Variants in TAS2R1 observed in about 807,000 individuals in gnomAD.
TAS2R1 encodes the protein taste 2 receptor member 1, also known as taste receptor type 2 member 1.
For synonymous variants in TAS2R1, 141 were observed against 134.2 expected, an observed-to-expected ratio of 1.05 and a Z score of -0.35; for missense variants, 370 against 353.4, an observed-to-expected ratio of 1.05 and a Z score of -0.38.
the TAS2R1 span, among the ~76,000 whole-genome samples, chr5:9,746,199 A>T: frequency 1.3e-5 from 2 of 152,244 alleles, no homozygotes; most frequent in African/African-American, 2.4e-5. Context: ...AGAGATGCAA[A>T]TCAAAACCAC....
At chr5:9,680,828 G>A (rs948485707) in intron 1 of TAS2R1, among the ~76,000 whole-genome samples, 22 of 152,142 alleles carry the variant, frequency 1.4e-4, no homozygotes, top group Admixed American at 1.3e-3. Context: ...CAAGGTGGGC[G>A]GATCACTTGA....
intron 1 of TAS2R1, among the ~76,000 whole-genome samples, chr5:9,662,762 G>A (rs994400956): frequency 6.6e-6 from 1 of 152,210 alleles, no homozygotes; most frequent in African/African-American, 2.4e-5. Context: ...AGTTAAGAAA[G>A]AACAAGAAGA....
At chr5:9,761,716 G>A in the TAS2R1 span, among the ~76,000 whole-genome samples, 1 of 152,202 alleles carries the variant, frequency 6.6e-6, no homozygotes, top group Non-Finnish European at 1.5e-5. Context: ...CGATGTGTGA[G>A]TGCATCAAAT....
chr5:9,715,257 A>G (rs1319082804), upstream of TAS2R1, among the ~76,000 whole-genome samples: 1 of 152,186 alleles, frequency 6.6e-6, no homozygotes, highest in Non-Finnish European at 1.5e-5. Flanking sequence ...ATTCTGAATA[A>G]TTCTGAAGAT....
the TAS2R1 span, among the ~76,000 whole-genome samples, chr5:9,786,228 T>G: frequency 6.6e-6 from 1 of 152,218 alleles, no homozygotes; most frequent in Non-Finnish European, 1.5e-5. Context: ...GGTGACCTAT[T>G]AAACTAGACA....
the TAS2R1 span, among the ~76,000 whole-genome samples, chr5:9,821,367 G>C: frequency 1.3e-5 from 2 of 152,204 alleles, no homozygotes; most frequent in Non-Finnish European, 2.9e-5. Context: ...TCCATGCTTG[G>C]TGAGGAGTGT....
At chr5:9,720,794 G>T in the TAS2R1 span, among the ~76,000 whole-genome samples, 1 of 152,214 alleles carries the variant, frequency 6.6e-6, no homozygotes, top group Non-Finnish European at 1.5e-5. Context: ...ACTCAGTGAG[G>T]AATTTTAAAA....
intron 1 of TAS2R1, among the ~76,000 whole-genome samples, chr5:9,712,014 AGAAGGAAG>A (rs1173900952): frequency 1.1e-5 from 1 of 91,772 alleles, no homozygotes; most frequent in Non-Finnish European, 2.0e-5. Flanking sequence ...AGAGAAAGAG[AGAAGGAAG>A]GAAGGAAGGG....
chr5:9,720,548 T>C, the TAS2R1 span, among the ~76,000 whole-genome samples: 2 of 152,150 alleles, frequency 1.3e-5, no homozygotes, highest in African/African-American at 2.4e-5. Context: ...GGAAGCGAAG[T>C]CTGCTCCATC....
At chr5:9,678,598 A>T (rs113194171) in intron 1 of TAS2R1, among the ~76,000 whole-genome samples, 9 of 152,308 alleles carry the variant, frequency 5.9e-5, no homozygotes, top group African/African-American at 2.2e-4. Flanking sequence ...ATATTATGCA[A>T]TCATAAAAAG....
At chr5:9,633,319 T>TATATATATATACAC (rs1475834697), upstream of TAS2R1, among the ~76,000 whole-genome samples, 18 of 137,524 alleles carry the variant, frequency 1.3e-4, no homozygotes, top group African/African-American at 5.3e-4. Context: ...TATATATATA[T>TATATATATATACAC]ACACAAATGT....
chr5:9,718,139 T>G, the TAS2R1 span, among the ~76,000 whole-genome samples: 1 of 151,616 alleles, frequency 6.6e-6, no homozygotes, highest in South Asian at 2.1e-4. Flanking sequence ...TTTTTTTTTT[T>G]TTTGTATTTT....
the TAS2R1 span, among the ~76,000 whole-genome samples, chr5:9,873,791 C>T: frequency 2.0e-5 from 3 of 150,764 alleles, no homozygotes; most frequent in Admixed American, 2.0e-4. Flanking sequence ...ATTGCTTGAA[C>T]CCTGGAGGCG....
At chr5:9,825,157 C>G in the TAS2R1 span, among the ~76,000 whole-genome samples, 1 of 152,178 alleles carries the variant, frequency 6.6e-6, no homozygotes, top group African/African-American at 2.4e-5. Flanking sequence ...CATTTCCTTT[C>G]TACTTACTAG....
chr5:9,756,857 C>G, the TAS2R1 span, among the ~76,000 whole-genome samples: 1 of 151,912 alleles, frequency 6.6e-6, no homozygotes, highest in Non-Finnish European at 1.5e-5. Flanking sequence ...ATCAATGTGA[C>G]AAGAAAATAT....
intron 1 of TAS2R1, among the ~76,000 whole-genome samples, chr5:9,683,501 C>G (rs1741067939): frequency 6.6e-6 from 1 of 152,290 alleles, no homozygotes; most frequent in Non-Finnish European, 1.5e-5. Context: ...GCAACACATC[C>G]TAATGCTCAA....
In TAS2R1 at chr5:9,629,773, A is replaced by T. The variant is rs771638808; in HGVS notation, c.260T>A (p.Phe87Tyr). ...AAGCCAAAGTTCCAATTCATTTATAAATAAGAGAATTGCACAATTCGCAGA... is the reference window on the plus strand; with the variant it reads ...AAGCCAAAGTTCCAATTCATTTATATATAAGAGAATTGCACAATTCGCAGA... ...MCSANCAILLFINELELWLAT... is the reference protein window; with the variant it reads ...MCSANCAILLYINELELWLAT... Residue 87 changes from phenylalanine (F) to tyrosine (Y), a missense_variant, in exon 1 of 1, where the codon TTT becomes TAT. Phe to Tyr is a conservative substitution (Grantham distance 22). Transcript: ENST00000382492. 3.7e-6 allele frequency: 6 copies of T among 1,613,754 alleles called. No homozygotes were observed. The highest frequency in any genetic ancestry group is 5.1e-6 in the Non-Finnish European group (6 of 1,179,884).
the TAS2R1 span, among the ~76,000 whole-genome samples, chr5:9,864,293 A>C: frequency 1.3e-4 from 20 of 152,180 alleles, no homozygotes; most frequent in Non-Finnish European, 2.6e-4. Context: ...CCCGATAGGA[A>C]GAGGTAACTT....
intron 1 of TAS2R1, among the ~76,000 whole-genome samples, chr5:9,678,531 CAAATGCCCAT>C (rs1267143321): frequency 6.6e-6 from 1 of 152,104 alleles, no homozygotes; most frequent in Non-Finnish European, 1.5e-5. Flanking sequence ...GGAATCAACC[CAAATGCCCAT>C]CAATGACAGA....
Sources: allele counts gnomAD v4.1 joint callset (sites outside exome capture counted in the v4.1 genomes callset), GRCh38; gene constraint gnomAD v4.1.1; transcripts MANE v1.5; gene names NCBI Gene and HGNC (gene_info 2026-07-23, HGNC 2026-07-21).